Variants in RBFOX1 observed in about 807,000 individuals in gnomAD.
The protein encoded by RBFOX1 is RNA binding fox-1 homolog 1, also known as RNA binding protein fox-1 homolog 1.
In RBFOX1, 8 loss-of-function variants were observed where a neutral mutation model predicts 57.7. That is an observed-to-expected ratio of 0.14 (90% CI 0.08 to 0.25). RBFOX1 has a LOEUF of 0.25. Ranked by LOEUF, RBFOX1 falls within the 10% of genes least tolerant of loss-of-function variation. The probability of loss-of-function intolerance (pLI) is 1.00; values close to 1 mark genes in which losing one functional copy is unlikely to be tolerated. For missense variants in RBFOX1, 611 were observed against 548.5 expected, an observed-to-expected ratio of 1.11 and a Z score of -1.14; for synonymous variants, 326 against 222.4, an observed-to-expected ratio of 1.47 and a Z score of -4.15.
chr16:7,557,576 TA>T (rs1268676187), intron 5 of RBFOX1, among the ~76,000 whole-genome samples: 1 of 118,728 alleles, frequency 8.4e-6, no homozygotes, highest in Non-Finnish European at 1.6e-5. Flanking sequence ...GCCAAGACTG[TA>T]CCACTGCACT....
chr16:5,931,376 C>G (rs2059053246), intron 4 of RBFOX1, among the ~76,000 whole-genome samples: 2 of 152,108 alleles, frequency 1.3e-5, no homozygotes, highest in Admixed American at 6.5e-5. Flanking sequence ...TTGGCCATAT[C>G]TGGAGGTGGA....
intron 2 of RBFOX1, among the ~76,000 whole-genome samples, chr16:5,481,900 G>A (rs1597242698): frequency 6.6e-6 from 1 of 152,094 alleles, no homozygotes; most frequent in Admixed American, 6.5e-5. Context: ...ATGGGATAAG[G>A]GCCCACCCTA....
At chr16:7,494,296 C>T (rs2067875156) in intron 4 of RBFOX1, among the ~76,000 whole-genome samples, 1 of 152,152 alleles carries the variant, frequency 6.6e-6, no homozygotes, top group Non-Finnish European at 1.5e-5. Context: ...AAGCTCAATT[C>T]AGTATTTTAA....
At chr16:7,342,421 G>T (rs1393718430) in intron 4 of RBFOX1, among the ~76,000 whole-genome samples, 1 of 152,184 alleles carries the variant, frequency 6.6e-6, no homozygotes, top group Non-Finnish European at 1.5e-5. Context: ...TGTCTGCGGG[G>T]ATGGTCACAT....
At chr16:7,563,160 A>T (rs1017347385) in intron 5 of RBFOX1, among the ~76,000 whole-genome samples, 11 of 152,220 alleles carry the variant, frequency 7.2e-5, no homozygotes, top group African/African-American at 2.2e-4. Context: ...GAAGAGATTA[A>T]TAGAATGCTA....
intron 4 of RBFOX1, among the ~76,000 whole-genome samples, chr16:5,886,931 C>G (rs144532330): frequency 1.3e-3 from 196 of 152,226 alleles, no homozygotes; most frequent in African/African-American, 4.4e-3. Context: ...TGTCCTATGA[C>G]CAGTCATTCC....
intron 2 of RBFOX1, among the ~76,000 whole-genome samples, chr16:6,553,279 T>G (rs74005277): frequency 0.011 from 1,751 of 152,292 alleles, 33 homozygotes; most frequent in African/African-American, 0.038. Context: ...TTGCCACCGA[T>G]TTAGAGCAGA....
intron 4 of RBFOX1, among the ~76,000 whole-genome samples, chr16:7,125,795 A>G (rs1480884802): frequency 6.6e-6 from 1 of 152,152 alleles, no homozygotes; most frequent in African/African-American, 2.4e-5. Flanking sequence ...TTTAATTTAC[A>G]TGAATAGCCA....
rs971750038 is a variant in RBFOX1 at position 7,712,990 on chromosome 16, G to C, written c.*2245G>C. On this transcript the variant is annotated 3_prime_UTR_variant, in exon 16 of 16. Transcript: ENST00000550418. Reference sequence around the variant, plus strand: ...GTTTTAATAAAATCATTTAGAGTGAGTGAGTGCCAACCGATGTTGCAGAAT... The same window carrying C: ...GTTTTAATAAAATCATTTAGAGTGACTGAGTGCCAACCGATGTTGCAGAAT... 2.6e-5 allele frequency: 4 copies of C among 152,316 alleles called. No homozygotes were observed. Among genetic ancestry groups the C allele is most frequent in the African/African-American group, 9.6e-5 (4 of 41,572 alleles). The allele number at this position is 152,316 out of a possible 1,614,324, so 9.4% of individuals were successfully genotyped here. A position where few individuals can be genotyped will look rare whatever the true frequency, so the allele number is the denominator to read the frequency against.
At chr16:5,881,124 G>A (rs950452873) in intron 4 of RBFOX1, among the ~76,000 whole-genome samples, 9 of 152,074 alleles carry the variant, frequency 5.9e-5, no homozygotes, top group African/African-American at 1.2e-4. Context: ...CGAAGTTCAC[G>A]GACTCACTGT....
intron 4 of RBFOX1, among the ~76,000 whole-genome samples, chr16:7,348,677 C>T (rs1179515650): frequency 1.3e-5 from 2 of 152,250 alleles, no homozygotes; most frequent in Non-Finnish European, 2.9e-5. Context: ...TGCCGTGGCT[C>T]ACGCCTAGAA....
At chr16:7,339,213 T>C (rs1414560734) in intron 4 of RBFOX1, among the ~76,000 whole-genome samples, 1 of 152,182 alleles carries the variant, frequency 6.6e-6, no homozygotes, top group Non-Finnish European at 1.5e-5. Flanking sequence ...GCTTGCAAAG[T>C]CACTGTGAGT....
At chr16:7,026,435 G>A (rs1310626984) in intron 3 of RBFOX1, among the ~76,000 whole-genome samples, 1 of 152,156 alleles carries the variant, frequency 6.6e-6, no homozygotes, top group African/African-American at 2.4e-5. Context: ...TTACATTTCT[G>A]AATATTTAGA....
At chr16:7,204,740 C>T (rs750234174) in intron 4 of RBFOX1, among the ~76,000 whole-genome samples, 7 of 152,180 alleles carry the variant, frequency 4.6e-5, no homozygotes, top group African/African-American at 7.2e-5. Flanking sequence ...AGGCTTCCTT[C>T]ATCTCCTTTT....
intron 1 of RBFOX1, among the ~76,000 whole-genome samples, chr16:6,085,184 C>A (rs4786815): frequency 0.87 from 132,717 of 152,202 alleles, 58,280 homozygotes; most frequent in African/African-American, 0.97. Context: ...GACCTCTCCT[C>A]CTGGCAAGAC....
At chr16:6,297,832 T>C (rs952671144) in intron 1 of RBFOX1, among the ~76,000 whole-genome samples, 2 of 152,052 alleles carry the variant, frequency 1.3e-5, no homozygotes, top group African/African-American at 4.8e-5. Flanking sequence ...AGAGAGGAGA[T>C]TGGCCACTGG....
intron 2 of RBFOX1, among the ~76,000 whole-genome samples, chr16:6,543,166 G>C (rs1016236775): frequency 6.6e-6 from 1 of 152,118 alleles, no homozygotes; most frequent in African/African-American, 2.4e-5. Context: ...CCATCCCTTA[G>C]GTGGAACATG....
At chr16:6,152,165 G>A (rs1336619052) in intron 1 of RBFOX1, among the ~76,000 whole-genome samples, 3 of 152,198 alleles carry the variant, frequency 2.0e-5, no homozygotes, top group Non-Finnish European at 4.4e-5. Context: ...ATATTAAAAT[G>A]TAAAATATAT....
At chr16:7,599,717 C>T (rs1269177105) in intron 9 of RBFOX1, among the ~76,000 whole-genome samples, 1 of 139,196 alleles carries the variant, frequency 7.2e-6, no homozygotes, top group Non-Finnish European at 1.5e-5. Context: ...ATGCTATTGG[C>T]TCATTGCACC....
Sources: allele counts gnomAD v4.1 joint callset (sites outside exome capture counted in the v4.1 genomes callset), GRCh38; gene constraint gnomAD v4.1.1; transcripts MANE v1.5; gene names NCBI Gene and HGNC (gene_info 2026-07-23, HGNC 2026-07-21).